Variants in SPICE1 observed in about 807,000 individuals in gnomAD.
SPICE1 encodes spindle and centriole-associated protein 1.
A neutral mutation model predicts 102.7 loss-of-function variants in SPICE1; 75 were observed. The ratio of observed to expected loss-of-function variants is 0.73; its 90% CI spans 0.61 to 0.88. The LOEUF (loss-of-function observed/expected upper bound fraction) is 0.88, where lower values mean the gene tolerates loss of function less well. Ranked by LOEUF, SPICE1 falls within the 40% of genes least tolerant of loss-of-function variation. The pLI, the probability that SPICE1 is intolerant of heterozygous loss-of-function variation, is 0.00. For synonymous variants in SPICE1, 308 were observed against 350.3 expected (o/e 0.88, Z 1.35); for missense variants, 979 against 1,020.1 (o/e 0.96, Z 0.55).
intron 6 of SPICE1, among the ~76,000 whole-genome samples, chr3:113,489,391 T>C (rs1319665455): frequency 6.6e-6 from 1 of 152,162 alleles, no homozygotes; most frequent in Admixed American, 6.6e-5. Context: ...TGTTCCACCC[T>C]CCTCACTCAC....
intron 12 of SPICE1, chr3:113,460,083 C>T: frequency 4.1e-6 from 4 of 985,332 alleles, no homozygotes; most frequent in Non-Finnish European, 3.6e-6. Flanking sequence ...CATGAAAAAA[C>T]CAAAATGTCC....
chr3:113,485,213 A>G (rs1422887797), intron 7 of SPICE1, among the ~76,000 whole-genome samples: 5 of 151,232 alleles, frequency 3.3e-5, no homozygotes, highest in Non-Finnish European at 7.4e-5. Context: ...TGGCGCCTAG[A>G]ACGCCAGAGA....
chr3:113,445,471 T>C (rs561494846), intron 17 of SPICE1, 111 bp from the exon 18 acceptor site: 39 of 817,664 alleles, frequency 4.8e-5, no homozygotes, highest in South Asian at 9.5e-5. Context: ...TCCTGTGCCA[T>C]TGAATGGTAC....
At chr3:113,445,732 G>A (rs1011296868) in intron 17 of SPICE1, among the ~76,000 whole-genome samples, 4 of 152,140 alleles carry the variant, frequency 2.6e-5, no homozygotes, top group Non-Finnish European at 4.4e-5. Context: ...TAAAGCTTTT[G>A]TAGAATATAA....
In SPICE1 at chr3:113,453,611, T is replaced by C; in HGVS notation, c.1997A>G (p.Lys666Arg). The change falls in exon 14 of 18, where the codon AAG (lysine) becomes AGG (arginine). Residue 666 changes from lysine (K) to arginine (R), a missense_variant. Lys to Arg is a conservative substitution (Grantham distance 26, BLOSUM62 2). Coordinates refer to ENST00000295872, the MANE Select transcript of SPICE1 (RefSeq NM_144718.4). ...LRTNESLIQR[K>R]DIMTRIADLT... ...ATCAGCAATTCGTGTCATTATGTCCTTTCTTTGTATTAATGACTCATTTGT... is the reference window on the plus strand; with the variant it reads ...ATCAGCAATTCGTGTCATTATGTCCCTTCTTTGTATTAATGACTCATTTGT... 6.2e-7 allele frequency: 1 copy of C among 1,614,206 alleles called. No homozygotes were observed. Among genetic ancestry groups the C allele is most frequent in the Non-Finnish European group, 8.5e-7 (1 of 1,180,032 alleles).
At chr3:113,465,156 T>C (rs1383460575) in intron 11 of SPICE1, among the ~76,000 whole-genome samples, 1 of 147,536 alleles carries the variant, frequency 6.8e-6, no homozygotes, top group African/African-American at 2.5e-5. Flanking sequence ...ATGGAAGCAA[T>C]AGGTTTTCCA....
At chr3:113,497,764 TGCAGTG>T (rs1936926875) in intron 4 of SPICE1, among the ~76,000 whole-genome samples, 1 of 139,148 alleles carries the variant, frequency 7.2e-6, no homozygotes, top group East Asian at 2.1e-4. Flanking sequence ...CAGGCTGGAG[TGCAGTG>T]GCACAATCTC....
intron 1 of SPICE1, among the ~76,000 whole-genome samples, chr3:113,508,935 G>T (rs1463519518): frequency 6.6e-6 from 1 of 152,182 alleles, no homozygotes; most frequent in East Asian, 1.9e-4. Context: ...ATAAGCAATG[G>T]TGTACTGATA....
intron 11 of SPICE1, among the ~76,000 whole-genome samples, chr3:113,464,067 CA>C (rs544915251): frequency 2.8e-4 from 37 of 129,914 alleles, no homozygotes; most frequent in Non-Finnish European, 2.2e-4. Context: ...GACTCCGTCT[CA>C]AAAAAAAAAA....
rs758185171 is a variant in SPICE1, at chr3:113,468,317, C to T, written c.977G>A (p.Arg326Lys). 1 of 1,614,052 alleles carries T rather than the reference C, an allele frequency of 6.2e-7. No homozygotes were observed. Among genetic ancestry groups the T allele is most frequent in the Non-Finnish European group, 8.5e-7 (1 of 1,179,998 alleles). The change falls in exon 10 of 18, where the codon AGG becomes AAG. Residue 326 changes from arginine to lysine, a missense_variant. Arg to Lys is a conservative substitution (Grantham distance 26). Coordinates refer to ENST00000295872, the MANE Select transcript of SPICE1 (RefSeq NM_144718.4). ...GAGGACATCCAGGTTGGAATTAGTCCTATTTGGTAAGTCTGCAGAGGTTGT... is the reference window on the plus strand; with the variant it reads ...GAGGACATCCAGGTTGGAATTAGTCTTATTTGGTAAGTCTGCAGAGGTTGT... ...GSTTSADLPN[R>K]TNSNLDVLKH...
chr3:113,447,982 C>T, intron 16 of SPICE1, 56 bp downstream of exon 16: 3 of 1,481,784 alleles, frequency 2.0e-6, no homozygotes, highest in Non-Finnish European at 2.7e-6. Flanking sequence ...GAATAAAATA[C>T]ATACCAAATT....
intron 2 of SPICE1, among the ~76,000 whole-genome samples, chr3:113,505,108 T>A (rs1937081998): frequency 6.6e-6 from 1 of 152,190 alleles, no homozygotes; most frequent in Non-Finnish European, 1.5e-5. Context: ...TGGCTCTCCA[T>A]ATCTGGGTTT....
chr3:113,480,731 G>T (rs193088994), intron 7 of SPICE1, among the ~76,000 whole-genome samples: 129 of 151,858 alleles, frequency 8.5e-4, no homozygotes, highest in Non-Finnish European at 5.9e-5. Flanking sequence ...AAAAAAAAAT[G>T]TATCTGGGTA....
At position 113,467,436 on chromosome 3, in the gene SPICE1, C is replaced by T. The variant is rs947769025; in HGVS notation, c.1155+703G>A. ...CCTCCCCAGAAGCTGGGATTACAGGCGCCCGCCACCATGCCCGACTAATTT... is the reference window on the plus strand; with the variant it reads ...CCTCCCCAGAAGCTGGGATTACAGGTGCCCGCCACCATGCCCGACTAATTT... On this transcript the variant is annotated intron_variant, in intron 10 of 17. Transcript: ENST00000295872. 3.3e-5 allele frequency among the ~76,000 whole-genome samples: 5 copies of T among 152,226 alleles called. No individual in the cohort carries two copies. In the East Asian group the frequency reaches 5.8e-4, roughly 18 times the overall value.
Position 113,468,228 on chromosome 3 carries a change from C to A in SPICE1, c.1066G>T (p.Val356Phe). 1 of 1,614,158 alleles carries A rather than the reference C, an allele frequency of 6.2e-7. No homozygotes were observed. The highest frequency in any genetic ancestry group is 2.2e-5 in the East Asian group (1 of 44,876). Residue 356 changes from valine (V) to phenylalanine (F), a missense_variant, in exon 10 of 18, where the codon GTC (valine) becomes TTC (phenylalanine). By Grantham distance (50) the Val-to-Phe change is conservative. Transcript: ENST00000295872. ...EEYERWTGRE[V>F]KGLQSSQGLT... Reference sequence around the variant, plus strand: ...CCCTGACTGCTCTGCAGACCCTTGACCTCGCGACCTGTCCACCGCTCATAT... The same window carrying A: ...CCCTGACTGCTCTGCAGACCCTTGAACTCGCGACCTGTCCACCGCTCATAT...
At chr3:113,474,800 G>C (rs1372366473) in intron 7 of SPICE1, among the ~76,000 whole-genome samples, 1 of 151,994 alleles carries the variant, frequency 6.6e-6, no homozygotes, top group Non-Finnish European at 1.5e-5. Context: ...TGTGTAGAGG[G>C]AAATTTATAG....
intron 7 of SPICE1, among the ~76,000 whole-genome samples, chr3:113,481,592 G>A (rs574505689): frequency 3.9e-4 from 57 of 147,346 alleles, no homozygotes; most frequent in East Asian, 2.3e-3. Context: ...AACAGGCCCC[G>A]GTGTGTGATG....
At chr3:113,479,112 C>T (rs1316356623) in intron 7 of SPICE1, among the ~76,000 whole-genome samples, 2 of 145,034 alleles carry the variant, frequency 1.4e-5, no homozygotes, top group Non-Finnish European at 1.5e-5. Flanking sequence ...TCTCCTAATG[C>T]TATCCCTCCC....
At chr3:113,482,924 T>C (rs569610452) in intron 7 of SPICE1, among the ~76,000 whole-genome samples, 93 of 152,334 alleles carry the variant, frequency 6.1e-4, no homozygotes, top group Non-Finnish European at 1.0e-3. Context: ...TAAAGTAGTT[T>C]TTTCTAATTC....
Sources: allele counts gnomAD v4.1 joint callset (sites outside exome capture counted in the v4.1 genomes callset), GRCh38; gene constraint gnomAD v4.1.1; transcripts MANE v1.5; gene names NCBI Gene and HGNC (gene_info 2026-07-23, HGNC 2026-07-21).